Variants in CAMKMT observed in about 807,000 individuals in gnomAD.
CAMKMT encodes the protein CaM KMT.
In CAMKMT, 53 loss-of-function variants were observed where a neutral mutation model predicts 48.0. That is an observed-to-expected ratio of 1.10 (90% CI 0.89 to 1.39). CAMKMT has a LOEUF of 1.39. CAMKMT is among the 40% of genes most tolerant of loss of function. The pLI is 0.00. For synonymous variants in CAMKMT, 165 were observed against 152.3 expected (o/e 1.08, Z -0.61); for missense variants, 428 against 402.7 (o/e 1.06, Z -0.54).
intron 3 of CAMKMT, among the ~76,000 whole-genome samples, chr2:44,556,494 G>T (rs1668021084): frequency 6.7e-5 from 1 of 14,858 alleles, no homozygotes; most frequent in Non-Finnish European, 1.4e-4. Flanking sequence ...ACGGAGTCTC[G>T]CTCTGTCGCC....
intron 3 of CAMKMT, among the ~76,000 whole-genome samples, chr2:44,631,077 A>T (rs1025650357): frequency 6.6e-6 from 1 of 152,248 alleles, no homozygotes; most frequent in African/African-American, 2.4e-5. Flanking sequence ...ATAAAAAATG[A>T]TGAGTTCATG....
intron 3 of CAMKMT, among the ~76,000 whole-genome samples, chr2:44,694,969 T>C (rs1305239760): frequency 6.6e-6 from 1 of 152,242 alleles, no homozygotes; most frequent in African/African-American, 2.4e-5. Context: ...GGAAATGATA[T>C]GCTTCTTAAT....
At chr2:44,496,405 A>G (rs1261004451) in intron 3 of CAMKMT, among the ~76,000 whole-genome samples, 1 of 152,192 alleles carries the variant, frequency 6.6e-6, no homozygotes, top group Non-Finnish European at 1.5e-5. Context: ...CGGGCACCCT[A>G]TTTATTATGT....
In CAMKMT at chr2:44,424,042, A is replaced by G. The variant is rs540656777; in HGVS notation, c.376+33737A>G. ...AATTAGCATGTATATTATTTGAACTATGCAAATTACATTCATTACAGAGCC... is the reference window on the plus strand; with the variant it reads ...AATTAGCATGTATATTATTTGAACTGTGCAAATTACATTCATTACAGAGCC... On this transcript the variant is annotated intron_variant, in intron 3 of 10. Coordinates refer to ENST00000378494, the MANE Select transcript of CAMKMT (RefSeq NM_024766.5). Among the ~76,000 whole-genome samples the G allele has an allele frequency of 3.9e-5, 6 of 152,296 alleles. 1 individual carries two copies. The highest frequency in any genetic ancestry group is 1.2e-4 in the African/African-American group (5 of 41,568).
chr2:44,576,957 G>A (rs558080031), intron 3 of CAMKMT, among the ~76,000 whole-genome samples: 86 of 152,294 alleles, frequency 5.6e-4, no homozygotes, highest in Non-Finnish European at 9.3e-4. Context: ...TTTTCAAGGA[G>A]CTCATTTCTA....
At chr2:44,643,518 G>T (rs1673564103) in intron 3 of CAMKMT, among the ~76,000 whole-genome samples, 1 of 152,166 alleles carries the variant, frequency 6.6e-6, no homozygotes, top group Non-Finnish European at 1.5e-5. Flanking sequence ...CGGTAAAGAT[G>T]AGATGAGTTT....
chr2:44,756,576 C>G (rs948805113), intron 9 of CAMKMT, among the ~76,000 whole-genome samples: 1 of 151,868 alleles, frequency 6.6e-6, no homozygotes, highest in African/African-American at 2.4e-5. Flanking sequence ...CCCGTCTCTA[C>G]TGAAAATACA....
chr2:44,632,499 T>G (rs1278984358), intron 3 of CAMKMT, among the ~76,000 whole-genome samples: 1 of 152,212 alleles, frequency 6.6e-6, no homozygotes, highest in African/African-American at 2.4e-5. Context: ...TGAAACAGAT[T>G]AACATGTCTA....
chr2:44,485,793 A>T (rs1290565224), intron 3 of CAMKMT, among the ~76,000 whole-genome samples: 1 of 152,198 alleles, frequency 6.6e-6, no homozygotes, highest in African/African-American at 2.4e-5. Context: ...TGACTATACT[A>T]TATGATTCCA....
chr2:44,435,380 TAGG>T (rs573061668), intron 3 of CAMKMT, among the ~76,000 whole-genome samples: 1 of 152,202 alleles, frequency 6.6e-6, no homozygotes. Flanking sequence ...AGTCTAGATT[TAGG>T]AGAATTGTTG....
At chr2:44,748,415 T>C (rs576542678) in intron 8 of CAMKMT, among the ~76,000 whole-genome samples, 1 of 152,150 alleles carries the variant, frequency 6.6e-6, no homozygotes, top group South Asian at 2.1e-4. Flanking sequence ...TTTCTAACGA[T>C]CTTACCGGTT....
intron 3 of CAMKMT, among the ~76,000 whole-genome samples, chr2:44,558,977 A>G (rs979765929): frequency 1.3e-5 from 2 of 151,044 alleles, no homozygotes; most frequent in Admixed American, 6.6e-5. Flanking sequence ...GTGTGTATGT[A>G]TGTATGGATA....
In CAMKMT at chr2:44,501,235, A is replaced by T. The variant is rs547420277; in HGVS notation, c.376+110930A>T. Among the ~76,000 whole-genome samples the T allele has an allele frequency of 1.4e-3, 220 of 152,070 alleles. 1 individual carries two copies. Among genetic ancestry groups the T allele is most frequent in the African/African-American group, 5.2e-3 (217 of 41,524 alleles). On this transcript the variant is annotated intron_variant, in intron 3 of 10. Coordinates refer to ENST00000378494, the MANE Select transcript of CAMKMT (RefSeq NM_024766.5). ...TCTGCAATGGTAGGTTTTTTCTTCAATTCAAGACTAATTCAGTATTTTATT... is the reference window on the plus strand; with the variant it reads ...TCTGCAATGGTAGGTTTTTTCTTCATTTCAAGACTAATTCAGTATTTTATT...
At chr2:44,498,857 G>A (rs1312187652) in intron 3 of CAMKMT, among the ~76,000 whole-genome samples, 1 of 152,136 alleles carries the variant, frequency 6.6e-6, no homozygotes, top group East Asian at 1.9e-4. Flanking sequence ...TCTTTTGACT[G>A]TTGGAAATAA....
intron 3 of CAMKMT, among the ~76,000 whole-genome samples, chr2:44,544,498 C>A (rs960554438): frequency 6.6e-6 from 1 of 152,196 alleles, no homozygotes; most frequent in African/African-American, 2.4e-5. Context: ...GTCAAACTGC[C>A]TAAGGCTGCA....
intron 3 of CAMKMT, among the ~76,000 whole-genome samples, chr2:44,658,360 A>C (rs532259203): frequency 6.6e-6 from 1 of 152,356 alleles, no homozygotes; most frequent in South Asian, 2.1e-4. Context: ...GCAAAGGAAA[A>C]TACAAGATAG....
chr2:44,526,509 G>T (rs1374771760), intron 3 of CAMKMT, among the ~76,000 whole-genome samples: 2 of 152,186 alleles, frequency 1.3e-5, no homozygotes, highest in African/African-American at 2.4e-5. Flanking sequence ...AGGCCCTAGG[G>T]ACCAAGAACC....
At chr2:44,667,212 T>C (rs921628605) in intron 3 of CAMKMT, among the ~76,000 whole-genome samples, 21 of 152,228 alleles carry the variant, frequency 1.4e-4, no homozygotes, top group Non-Finnish European at 2.2e-4. Context: ...CCTTAGCTTC[T>C]AGCTAAAGTC....
At chr2:44,498,300 G>C (rs1319618) in intron 3 of CAMKMT, among the ~76,000 whole-genome samples, 7,549 of 152,188 alleles carry the variant, frequency 0.05, 497 homozygotes, top group East Asian at 0.34. Flanking sequence ...CTCAGTTTTG[G>C]TGATGACCCA....
Sources: gnomAD v4.1 joint callset for allele counts (sites outside exome capture counted in the v4.1 genomes callset) on GRCh38, gnomAD v4.1.1 for gene constraint, MANE v1.5 for transcripts, NCBI Gene and HGNC (gene_info 2026-07-23, HGNC 2026-07-21) for gene names.